The following MACROD1 variants were observed in gnomAD, a reference collection of about 807,000 sequenced individuals.
MACROD1 encodes mono-ADP ribosylhydrolase 1.
In MACROD1, 31 loss-of-function variants were observed where a neutral mutation model predicts 41.4. The observed-to-expected ratio is 0.75, with a 90% CI of 0.56 to 1.01. The LOEUF (loss-of-function observed/expected upper bound fraction) is 1.01, where lower values mean the gene tolerates loss of function less well. Ranked by LOEUF, MACROD1 falls within the 50% of genes least tolerant of loss-of-function variation. MACROD1 has a pLI of 0.00. For missense variants in MACROD1, 473 were observed against 460.0 expected (o/e 1.03, Z -0.26); for synonymous variants, 252 against 203.4 (o/e 1.24, Z -2.03).
At position 64,090,050 on chromosome 11, in the gene MACROD1, C is replaced by A. The variant is rs1185363685; in HGVS notation, c.517+61189G>T. Among the ~76,000 whole-genome samples, 1 of 152,192 alleles carries A rather than the reference C, an allele frequency of 6.6e-6. No individual in the cohort carries two copies. Among genetic ancestry groups the A allele is most frequent in the Non-Finnish European group, 1.5e-5 (1 of 68,032 alleles). On this transcript the variant is annotated intron_variant, in intron 3 of 10. Coordinates refer to ENST00000255681, the MANE Select transcript of MACROD1 (RefSeq NM_014067.4). This position sits in a 1 kb window ranked among gnomAD's most constrained non-coding sequence, Gnocchi z 4.7. Reference sequence around the variant, plus strand: ...CAAAAGGGAAACACAAAGCCTGTGACTGGACTCAACAGCTGTGTCATCCTG... The same window carrying A: ...CAAAAGGGAAACACAAAGCCTGTGAATGGACTCAACAGCTGTGTCATCCTG...
Position 63,998,891 on chromosome 11 carries a change from T to G in MACROD1, c.974-19A>C, listed in dbSNP as rs1487413244. The G allele has an allele frequency of 1.3e-6, 2 of 1,594,934 alleles. No homozygotes were observed. Among genetic ancestry groups the G allele is most frequent in the East Asian group, 2.3e-5 (1 of 44,378 alleles). On this transcript the variant is annotated intron_variant, in intron 9 of 10. Transcript: ENST00000255681. ...CCTCAGGCTGGAAGGCAGAGGACAG[T>G]GAGAGCCCGCCCCCAGGGTGGACCG...
intron 3 of MACROD1, among the ~76,000 whole-genome samples, chr11:64,149,428 A>T (rs1407745517): frequency 6.6e-6 from 1 of 152,136 alleles, no homozygotes; most frequent in Non-Finnish European, 1.5e-5. Flanking sequence ...TGGAGCTGGC[A>T]CTAAACCGCT....
chr11:64,010,142 GGTGTTGGTTGAA>G (rs1371119278), intron 4 of MACROD1, among the ~76,000 whole-genome samples: 1 of 149,766 alleles, frequency 6.7e-6, no homozygotes, highest in Non-Finnish European at 1.5e-5. Flanking sequence ...GGTTGGTTGG[GGTGTTGGTTGAA>G]GTGTTGCCTG....
At chr11:64,164,213 T>TA (rs758359718) in intron 1 of MACROD1, among the ~76,000 whole-genome samples, 3 of 152,160 alleles carry the variant, frequency 2.0e-5, no homozygotes, top group Non-Finnish European at 4.4e-5. Context: ...GGGCGTTCAA[T>TA]AAAAGTTTGC....
chr11:64,100,172 T>C (rs912062706), intron 3 of MACROD1, among the ~76,000 whole-genome samples: 1 of 152,124 alleles, frequency 6.6e-6, no homozygotes, highest in Non-Finnish European at 1.5e-5. Context: ...TCAGGGAAGA[T>C]GGCAAGGCAG....
Position 64,067,754 on chromosome 11 carries a change from A to AACTGGGGGTGGCCCC in MACROD1, c.518-52488_518-52474dup, listed in dbSNP as rs1203970147. Among the ~76,000 whole-genome samples, 1 of 152,148 alleles carries AACTGGGGGTGGCCCC rather than the reference A, an allele frequency of 6.6e-6. No individual in the cohort carries two copies. The highest frequency in any genetic ancestry group is 1.5e-5 in the Non-Finnish European group (1 of 68,020). On this transcript the variant is annotated intron_variant, in intron 3 of 10. Transcript: ENST00000255681. This position sits in a 1 kb window ranked among gnomAD's most constrained non-coding sequence, Gnocchi z 4.6. ...CGCAGGCTGCCACCCCCAGCTTGTGAACTGGGGGTGGCCCCAGAGCTGTTT... is the reference window on the plus strand; with the variant it reads ...CGCAGGCTGCCACCCCCAGCTTGTGAACTGGGGGTGGCCCCACTGGGGGTGGCCCCAGAGCTGTTT...
chr11:64,015,299 A>G lies in MACROD1; in HGVS notation c.518-18T>C. 1 of 1,604,086 alleles carries G rather than the reference A, an allele frequency of 6.2e-7. No homozygotes were observed. Among genetic ancestry groups the G allele is most frequent in the Non-Finnish European group, 8.5e-7 (1 of 1,175,374 alleles). Reference sequence around the variant, plus strand: ...GCTGTTGGCTGCAAGAGAGAGAGACAAAGGCAGATCAGTGGGGAAGGGGCT... The same window carrying G: ...GCTGTTGGCTGCAAGAGAGAGAGACGAAGGCAGATCAGTGGGGAAGGGGCT... On this transcript the variant is annotated intron_variant, in intron 3 of 10. Coordinates refer to ENST00000255681, the MANE Select transcript of MACROD1 (RefSeq NM_014067.4).
At chr11:64,084,958 T>C (rs992872884) in intron 3 of MACROD1, among the ~76,000 whole-genome samples, 5 of 152,194 alleles carry the variant, frequency 3.3e-5, no homozygotes, top group Admixed American at 6.5e-5. Flanking sequence ...AGGGTTTCCG[T>C]CTATGGGGAG....
chr11:64,027,647 A>C (rs1565199727), intron 3 of MACROD1, among the ~76,000 whole-genome samples: 1 of 152,128 alleles, frequency 6.6e-6, no homozygotes, highest in Non-Finnish European at 1.5e-5. Flanking sequence ...GCCCACCCAG[A>C]GGCTCAGGTC....
At chr11:64,065,168 G>A (rs538148325) in intron 3 of MACROD1, among the ~76,000 whole-genome samples, 2 of 152,200 alleles carry the variant, frequency 1.3e-5, no homozygotes, top group African/African-American at 2.4e-5. Flanking sequence ...CCCAGGGAAC[G>A]GGTGCAGGAC....
rs200253771 is a variant in MACROD1 at position 64,118,324 on chromosome 11, C to T, written c.517+32915G>A. On this transcript the variant is annotated intron_variant, in intron 3 of 10. Transcript: ENST00000255681. Reference sequence around the variant, plus strand: ...CCCACCCGGGCTGCCCCGCCTCAGCCCCAGCTGCCCTGGCGTGGCCATGTG... The same window carrying T: ...CCCACCCGGGCTGCCCCGCCTCAGCTCCAGCTGCCCTGGCGTGGCCATGTG... 6.8e-3 allele frequency: 10,384 copies of T among 1,525,760 alleles called. 51 individuals are homozygous for T. Among genetic ancestry groups the T allele is most frequent in the Non-Finnish European group, 8.2e-3 (9,253 of 1,132,312 alleles). The allele number at this position is 1,525,760 out of a possible 1,614,324, so 94.5% of individuals were successfully genotyped here. A position where few individuals can be genotyped will look rare whatever the true frequency, so the allele number is the denominator to read the frequency against.
chr11:64,152,615 C>T (rs926649235), intron 1 of MACROD1, among the ~76,000 whole-genome samples: 1 of 152,186 alleles, frequency 6.6e-6, no homozygotes, highest in African/African-American at 2.4e-5. Flanking sequence ...TCTGGGGAGG[C>T]TGAGGGACTG....
At position 64,148,790 on chromosome 11, in the gene MACROD1, T is replaced by C. The variant is rs991659049; in HGVS notation, c.517+2449A>G. On this transcript the variant is annotated intron_variant, in intron 3 of 10. Coordinates refer to ENST00000255681, the MANE Select transcript of MACROD1 (RefSeq NM_014067.4). ...TTCCACTAATAAACAGGCTGATATA[T>C]GGGCTCCTGGGAACTGCAATCTCTG... 4.1e-6 allele frequency: 4 copies of C among 985,722 alleles called. No individual in the cohort carries two copies. The South Asian group carries it at 1.9e-4, about 46-fold the overall frequency. 61.1% of individuals were successfully genotyped at this position (985,722 alleles called of 1,614,324 possible).
chr11:64,106,994 C>T (rs1186308290), intron 3 of MACROD1, among the ~76,000 whole-genome samples: 1 of 152,226 alleles, frequency 6.6e-6, no homozygotes, highest in Non-Finnish European at 1.5e-5. Context: ...AGTGAATCTC[C>T]TGCCTCAGCC....
chr11:64,017,405 G>A (rs1417063833), intron 3 of MACROD1, among the ~76,000 whole-genome samples: 1 of 152,182 alleles, frequency 6.6e-6, no homozygotes, highest in African/African-American at 2.4e-5. Flanking sequence ...GAAGGAGACT[G>A]AGGCTTAGGG....
chr11:64,159,967 G>C (rs1466577227), intron 1 of MACROD1, among the ~76,000 whole-genome samples: 1 of 152,170 alleles, frequency 6.6e-6, no homozygotes, highest in Non-Finnish European at 1.5e-5. Context: ...GGAAATGAGC[G>C]TCAGCCTGGA....
chr11:64,021,954 TGA>T (rs1565197694), intron 3 of MACROD1, among the ~76,000 whole-genome samples: 1 of 1,568 alleles, frequency 6.4e-4, no homozygotes, highest in East Asian at 0.013. Flanking sequence ...GGGGGGGGTG[TGA>T]GGTGGCGGCG....
rs1415922077 is a variant in MACROD1 at position 63,998,951 on chromosome 11, G to A, written c.973+4C>T. On this transcript the variant is annotated splice_donor_region_variant and intron_variant, in intron 9 of 10. Transcript: ENST00000255681. ...CGGGCCGTGGGGCGGCGCGGGGCACGTACCCACGGGGAAGTAGTGGGGGAG... is the reference window on the plus strand; with the variant it reads ...CGGGCCGTGGGGCGGCGCGGGGCACATACCCACGGGGAAGTAGTGGGGGAG... 2.5e-6 allele frequency: 4 copies of A among 1,591,448 alleles called. No homozygotes were observed. Among genetic ancestry groups the A allele is most frequent in the Admixed American group, 1.7e-5 (1 of 57,770 alleles).
chr11:64,120,128 G>A lies in MACROD1; in HGVS notation c.517+31111C>T, dbSNP rs932324444. On this transcript the variant is annotated intron_variant, in intron 3 of 10. Transcript: ENST00000255681. This position sits in a 1 kb window ranked among gnomAD's most constrained non-coding sequence, Gnocchi z 4.5. ...AGGGGTTACGTTAAAAGGCCCGACC[G>A]CCACCTTCAGTGAGGAGATGGGGCT... is the stretch of plus-strand genomic sequence containing the variant. 6.6e-6 allele frequency among the ~76,000 whole-genome samples: 1 copy of A among 152,144 alleles called. No individual in the cohort carries two copies. Among genetic ancestry groups the A allele is most frequent in the Non-Finnish European group, 1.5e-5 (1 of 68,028 alleles).
Sources: gnomAD v4.1 joint callset for allele counts (sites outside exome capture counted in the v4.1 genomes callset) on GRCh38, gnomAD v4.1.1 for gene constraint, Gnocchi (gnomAD v3.1) non-coding constraint, MANE v1.5 for transcripts, NCBI Gene and HGNC (gene_info 2026-07-23, HGNC 2026-07-21) for gene names.